FMNL2: variants seen among roughly 807,000 people sequenced by gnomAD.
The protein encoded by FMNL2 is formin-like protein 2.
FMNL2 carries 51 observed loss-of-function variants against 130.2 expected under a neutral mutation model. The ratio of observed to expected loss-of-function variants is 0.39; its 90% confidence interval spans 0.31 to 0.49. FMNL2 has a LOEUF of 0.49. FMNL2 is among the 20% of genes least tolerant of loss of function. The pLI is 0.85. For synonymous variants in FMNL2, 465 were observed against 467.1 expected, an observed-to-expected ratio of 1.00 and a Z score of 0.06; for missense variants, 977 against 1,316.2, an observed-to-expected ratio of 0.74 and a Z score of 3.99.
At chr2:152,368,168 TA>T (rs1461185499) in intron 1 of FMNL2, among the ~76,000 whole-genome samples, 5 of 152,204 alleles carry the variant, frequency 3.3e-5, no homozygotes, top group African/African-American at 1.2e-4. Context: ...TTTCATGCAG[TA>T]TACATTTTCA....
intron 9 of FMNL2, among the ~76,000 whole-genome samples, chr2:152,589,961 A>G (rs1439868465): frequency 2.1e-4 from 10 of 47,430 alleles, no homozygotes; most frequent in Admixed American, 1.4e-3. Context: ...ATATATATAT[A>G]TATATATATA....
intron 1 of FMNL2, among the ~76,000 whole-genome samples, chr2:152,406,617 T>C (rs1375855826): frequency 6.6e-6 from 1 of 152,214 alleles, no homozygotes; most frequent in Non-Finnish European, 1.5e-5. Flanking sequence ...ATGATGTTTG[T>C]GTGGAAGTGT....
chr2:152,444,925 C>A (rs1001078852), intron 1 of FMNL2, among the ~76,000 whole-genome samples: 2 of 152,192 alleles, frequency 1.3e-5, no homozygotes, highest in African/African-American at 2.4e-5. Context: ...CTTCATGACC[C>A]CTCTTGATTC....
intron 1 of FMNL2, among the ~76,000 whole-genome samples, chr2:152,462,063 T>G (rs1196358662): frequency 1.3e-5 from 2 of 152,142 alleles, no homozygotes; most frequent in Non-Finnish European, 2.9e-5. Flanking sequence ...GCCCTGCTAA[T>G]TTTTAAATTT....
At chr2:152,461,843 A>T (rs750886900) in intron 1 of FMNL2, among the ~76,000 whole-genome samples, 1 of 151,938 alleles carries the variant, frequency 6.6e-6, no homozygotes, top group Admixed American at 6.6e-5. Context: ...GAAAATGTGC[A>T]ATGTTGGCAC....
chr2:152,615,979 A>C (rs907532162), intron 12 of FMNL2, among the ~76,000 whole-genome samples: 1 of 152,212 alleles, frequency 6.6e-6, no homozygotes, highest in Non-Finnish European at 1.5e-5. Context: ...GCTATGACCC[A>C]GCTGGCATCC....
chr2:152,504,247 A>G (rs768584565), intron 1 of FMNL2, among the ~76,000 whole-genome samples: 1 of 150,414 alleles, frequency 6.6e-6, no homozygotes, highest in Admixed American at 6.7e-5. Flanking sequence ...TCCTACCCAC[A>G]TGCAGGGAGG....
chr2:152,405,305 T>C (rs946821106), intron 1 of FMNL2, among the ~76,000 whole-genome samples: 1 of 152,180 alleles, frequency 6.6e-6, no homozygotes, highest in Non-Finnish European at 1.5e-5. Context: ...CTGGTCTTTT[T>C]TGGAGCAGAT....
At chr2:152,369,233 A>G (rs1416271126) in intron 1 of FMNL2, among the ~76,000 whole-genome samples, 1 of 152,264 alleles carries the variant, frequency 6.6e-6, no homozygotes, top group East Asian at 1.9e-4. Flanking sequence ...TTGTCACAGC[A>G]GGAGGAGACA....
chr2:152,576,912 G>A (rs1696508400), intron 7 of FMNL2, among the ~76,000 whole-genome samples: 1 of 152,210 alleles, frequency 6.6e-6, no homozygotes, highest in South Asian at 2.1e-4. Context: ...AGATGTGACA[G>A]GGAGTTTGAT....
At chr2:152,364,261 G>GT (rs869062341) in intron 1 of FMNL2, among the ~76,000 whole-genome samples, 333 of 24,442 alleles carry the variant, frequency 0.014, 10 homozygotes, top group African/African-American at 0.03. Context: ...AGGTTTGTGT[G>GT]TTTTTTTTTT....
At chr2:152,618,140 C>A (rs936835111) in intron 13 of FMNL2, among the ~76,000 whole-genome samples, 11 of 151,982 alleles carry the variant, frequency 7.2e-5, no homozygotes, top group South Asian at 2.1e-4. Context: ...CTCTATGGGC[C>A]CCCCCCTTAT....
At chr2:152,568,687 T>G (rs1695999313) in intron 6 of FMNL2, among the ~76,000 whole-genome samples, 2 of 152,144 alleles carry the variant, frequency 1.3e-5, no homozygotes, top group Admixed American at 1.3e-4. Context: ...CATCACATGG[T>G]GACAACAAGA....
chr2:152,532,252 AAAT>A (rs1693740599), intron 2 of FMNL2, among the ~76,000 whole-genome samples: 1 of 152,206 alleles, frequency 6.6e-6, no homozygotes, highest in African/African-American at 2.4e-5. Flanking sequence ...CAAAGTAAAT[AAAT>A]AATATCTAAA....
intron 1 of FMNL2, among the ~76,000 whole-genome samples, chr2:152,406,714 T>TTTAGAATTTAACC (rs1042825954): frequency 3.3e-5 from 5 of 152,194 alleles, no homozygotes; most frequent in Non-Finnish European, 7.3e-5. Flanking sequence ...AATGGTTAAA[T>TTTAGAATTTAACC]TTAGAATTTA....
intron 9 of FMNL2, among the ~76,000 whole-genome samples, chr2:152,595,176 A>G (rs73010118): frequency 0.018 from 2,719 of 152,272 alleles, 79 homozygotes; most frequent in African/African-American, 0.062. Flanking sequence ...TTTTCATTTC[A>G]TTTTCAACTA....
chr2:152,409,714 AT>A (rs1465717810), intron 1 of FMNL2, among the ~76,000 whole-genome samples: 1 of 152,214 alleles, frequency 6.6e-6, no homozygotes, highest in Non-Finnish European at 1.5e-5. Flanking sequence ...TGATGATGGC[AT>A]TGATACTTTA....
chr2:152,405,154 T>A (rs1217976042), intron 1 of FMNL2, among the ~76,000 whole-genome samples: 1 of 152,220 alleles, frequency 6.6e-6, no homozygotes, highest in African/African-American at 2.4e-5. Context: ...GGCATCTAGC[T>A]GCTTGTATGG....
chr2:152,625,387 G>A (rs1200958464), intron 15 of FMNL2, 51 bp from the exon 16 acceptor site: 2 of 1,568,888 alleles, frequency 1.3e-6, no homozygotes, highest in Admixed American at 1.7e-5. Flanking sequence ...TGTTCCTGAG[G>A]GTCGTAGGCT....
Sources: allele counts gnomAD v4.1 joint callset (sites outside exome capture counted in the v4.1 genomes callset), GRCh38; gene constraint gnomAD v4.1.1; transcripts MANE v1.5; gene names NCBI Gene and HGNC (gene_info 2026-07-23, HGNC 2026-07-21).